RANGAP1: variants seen among roughly 807,000 people sequenced by gnomAD.
RANGAP1 encodes ran GTPase-activating protein 1.
A neutral mutation model predicts 63.5 loss-of-function variants in RANGAP1; 38 were observed. The observed-to-expected ratio is 0.60, with a 90% CI of 0.46 to 0.78. RANGAP1 has a LOEUF of 0.78. Among genes scored for constraint, RANGAP1 ranks in the 30% least tolerant of loss-of-function variants. The pLI is 0.00. For synonymous variants in RANGAP1, 329 were observed against 310.5 expected (o/e 1.06, Z -0.63); for missense variants, 630 against 740.3 (o/e 0.85, Z 1.73).
rs547718660 is a variant in RANGAP1, at chr22:41,279,797, T to A, written c.112+1136A>T. Among the ~76,000 whole-genome samples the A allele has an allele frequency of 3.5e-5, 3 of 85,686 alleles. No homozygotes were observed. The East Asian group carries it at 6.9e-4, about 20-fold the overall frequency. 56.2% of individuals were successfully genotyped at this position (85,686 alleles called of 152,430 possible). On this transcript the variant is annotated intron_variant, in intron 2 of 15. Coordinates refer to ENST00000356244, the MANE Select transcript of RANGAP1 (RefSeq NM_002883.4). ...AGCCTGGGTGGCAGAGTGAGACTCA[T>A]CTCAAAAAAAAAAAAAAAAGCCGGG...
intron 10 of RANGAP1, among the ~76,000 whole-genome samples, chr22:41,255,025 T>G (rs1194923738): frequency 6.7e-6 from 1 of 150,018 alleles, no homozygotes; most frequent in Non-Finnish European, 1.5e-5. Context: ...GTCCCTGTCC[T>G]CAAGGAGCCC....
chr22:41,260,928 C>T (rs2034129860), intron 6 of RANGAP1, among the ~76,000 whole-genome samples: 2 of 152,184 alleles, frequency 1.3e-5, no homozygotes, highest in African/African-American at 4.8e-5. Flanking sequence ...CTGGCACTCA[C>T]GATCGGGGAC....
intron 11 of RANGAP1, 52 bp downstream of exon 11, chr22:41,254,256 T>C: frequency 6.2e-7 from 1 of 1,607,820 alleles, no homozygotes; most frequent in African/African-American, 1.3e-5. Context: ...TGCCTCGGGA[T>C]TTCACGTTCT....
At chr22:41,259,549 T>C (rs2145732048) in intron 6 of RANGAP1, among the ~76,000 whole-genome samples, 1 of 152,342 alleles carries the variant, frequency 6.6e-6, no homozygotes, top group East Asian at 1.9e-4. Flanking sequence ...ACAAACTTCT[T>C]GTTAATGCAC....
rs2034363688 is a variant in RANGAP1, at chr22:41,264,660, C to T, written c.480+4G>A. On this transcript the variant is annotated splice_donor_region_variant and intron_variant, in intron 5 of 15. Transcript: ENST00000356244. Reference sequence around the variant, plus strand: ...CTCTGCGGGGAGGGGGCTGCCACACCCACCTTGCCGCCGCCAATGCCCATG... The same window carrying T: ...CTCTGCGGGGAGGGGGCTGCCACACTCACCTTGCCGCCGCCAATGCCCATG... 1 of 1,608,632 alleles carries T rather than the reference C, an allele frequency of 6.2e-7. No individual in the cohort carries two copies. The highest frequency in any genetic ancestry group is 1.3e-5 in the African/African-American group (1 of 74,980).
intron 3 of RANGAP1, among the ~76,000 whole-genome samples, chr22:41,272,519 C>T (rs1427138280): frequency 1.3e-5 from 2 of 151,664 alleles, no homozygotes; most frequent in Non-Finnish European, 2.9e-5. Context: ...CACATCTCTG[C>T]TATTTTTTTT....
chr22:41,272,822 T>C (rs1192837433), intron 3 of RANGAP1, among the ~76,000 whole-genome samples: 1 of 151,936 alleles, frequency 6.6e-6, no homozygotes, highest in African/African-American at 2.4e-5. Context: ...CTTTTTTTTT[T>C]CTTTTTTTGA....
At chr22:41,302,369 G>A in the RANGAP1 span, among the ~76,000 whole-genome samples, 4 of 152,180 alleles carry the variant, frequency 2.6e-5, no homozygotes, top group African/African-American at 9.6e-5. The surrounding 1 kb of genome is among the most constrained non-coding windows in gnomAD (Gnocchi z 5.7). Flanking sequence ...CCCGCGGGAA[G>A]GGGGCGGCAG....
chr22:41,302,074 C>A, the RANGAP1 span, among the ~76,000 whole-genome samples: 1 of 152,088 alleles, frequency 6.6e-6, no homozygotes, highest in South Asian at 2.1e-4. This position sits in a 1 kb window ranked among gnomAD's most constrained non-coding sequence, Gnocchi z 5.7. Context: ...ACTTGGCCGC[C>A]CCTGCAGCCC....
rs766747132 is a variant in RANGAP1, at chr22:41,256,793, A to G, written c.806T>C (p.Ile269Thr). 1.2e-6 allele frequency: 2 copies of G among 1,613,894 alleles called. No homozygotes were observed. The highest frequency in any genetic ancestry group is 3.3e-5 in the Admixed American group (2 of 59,990). ...GCGCACCAGGCAGTCCCCAAAATTA[A>G]TCACCTCCACCTGCCGCAAGGTCTT... is the stretch of plus-strand genomic sequence containing the variant. ...TLKTLRQVEV[I>T]NFGDCLVRSK... The change falls in exon 8 of 16, where the codon ATT becomes ACT. Residue 269 changes from isoleucine (I) to threonine (T), a missense_variant. Physicochemically the swap from Ile to Thr is moderately conservative, Grantham distance 89. Transcript: ENST00000356244.
intron 6 of RANGAP1, 44 bp downstream of exon 6, chr22:41,261,402 T>G: frequency 6.2e-7 from 1 of 1,612,582 alleles, no homozygotes; most frequent in South Asian, 1.1e-5. Flanking sequence ...CTATGCCGAG[T>G]GCACCTCAAG....
intron 10 of RANGAP1, 100 bp downstream of exon 10, chr22:41,255,921 T>G: frequency 8.0e-7 from 1 of 1,255,144 alleles, no homozygotes; most frequent in South Asian, 1.3e-5. Context: ...GCCACTGTAC[T>G]TTAGCCTGGG....
the RANGAP1 span, among the ~76,000 whole-genome samples, chr22:41,292,107 T>C: frequency 6.6e-6 from 1 of 151,570 alleles, no homozygotes; most frequent in Non-Finnish European, 1.5e-5. Context: ...TGGCTAATTT[T>C]TGTATTTTCA....
At chr22:41,254,862 C>T (rs528988898) in intron 10 of RANGAP1, among the ~76,000 whole-genome samples, 2 of 152,054 alleles carry the variant, frequency 1.3e-5, no homozygotes, top group African/African-American at 4.8e-5. Context: ...GTCCCAGCTA[C>T]TCAGGAGGCT....
chr22:41,254,224 AC>A, intron 11 of RANGAP1, 83 bp downstream of exon 11: 3 of 1,481,366 alleles, frequency 2.0e-6, no homozygotes, highest in Non-Finnish European at 2.8e-6. Flanking sequence ...TTAAGGAGAC[AC>A]CCCCTACCCC....
At chr22:41,280,298 G>A (rs2035423817) in intron 2 of RANGAP1, among the ~76,000 whole-genome samples, 2 of 152,178 alleles carry the variant, frequency 1.3e-5, no homozygotes, top group Non-Finnish European at 2.9e-5. Context: ...AATCCCAGGA[G>A]GCCTCACTTG....
chr22:41,287,604 G>A (rs2035784451), upstream of RANGAP1, among the ~76,000 whole-genome samples: 2 of 151,820 alleles, frequency 1.3e-5, no homozygotes, highest in African/African-American at 4.8e-5. Context: ...AGGCTGCAGT[G>A]AGCCGTGATT....
intron 3 of RANGAP1, among the ~76,000 whole-genome samples, chr22:41,268,414 C>T (rs950848437): frequency 7.9e-5 from 12 of 152,088 alleles, no homozygotes; most frequent in Non-Finnish European, 1.8e-4. Context: ...CACCACTATG[C>T]CTGGCAAATT....
chr22:41,296,666 C>T, the RANGAP1 span, among the ~76,000 whole-genome samples: 1 of 148,590 alleles, frequency 6.7e-6, no homozygotes, highest in African/African-American at 2.5e-5. Context: ...AAAAAAAACA[C>T]ACACACATAT....
Sources: gnomAD v4.1 joint callset for allele counts (sites outside exome capture counted in the v4.1 genomes callset) on GRCh38, gnomAD v4.1.1 for gene constraint, Gnocchi (gnomAD v3.1) non-coding constraint, MANE v1.5 for transcripts, NCBI Gene and HGNC (gene_info 2026-07-23, HGNC 2026-07-21) for gene names.